The following GPC5 variants were observed in gnomAD, a reference collection of about 807,000 sequenced individuals.
GPC5 encodes the protein glypican 5, also known as glypican-5.
GPC5 carries 47 observed loss-of-function variants against 53.9 expected under a neutral mutation model. That is an observed-to-expected ratio of 0.87 (90% CI 0.69 to 1.11). GPC5 has a LOEUF of 1.11. Among genes scored for constraint, GPC5 ranks in the 50% most tolerant of loss-of-function variants. GPC5 has a pLI of 0.00. For synonymous variants in GPC5, 286 were observed against 263.3 expected (o/e 1.09, Z -0.84); for missense variants, 748 against 713.1 (o/e 1.05, Z -0.56).
intron 7 of GPC5, among the ~76,000 whole-genome samples, chr13:92,268,082 AAC>A (rs1406721366): frequency 1.3e-5 from 2 of 151,256 alleles, no homozygotes; most frequent in Non-Finnish European, 2.9e-5. Context: ...TACCCTTCAA[AAC>A]ACAATGGATA....
At chr13:91,775,767 G>T (rs1477864921) in intron 5 of GPC5, among the ~76,000 whole-genome samples, 3 of 152,178 alleles carry the variant, frequency 2.0e-5, no homozygotes, top group Non-Finnish European at 2.9e-5. Flanking sequence ...TTAATCAGTT[G>T]TTTAGATGTC....
intron 7 of GPC5, among the ~76,000 whole-genome samples, chr13:92,819,871 C>A (rs1161605770): frequency 6.6e-6 from 1 of 152,188 alleles, no homozygotes; most frequent in East Asian, 1.9e-4. Context: ...CAACTTTCAA[C>A]ATGACTGCCT....
At chr13:91,413,839 C>T (rs1877990262) in intron 1 of GPC5, among the ~76,000 whole-genome samples, 1 of 152,122 alleles carries the variant, frequency 6.6e-6, no homozygotes, top group African/African-American at 2.4e-5. Flanking sequence ...CCTGAGCTAC[C>T]ATAAATAAAA....
At chr13:91,544,770 G>A (rs2030178242) in intron 2 of GPC5, among the ~76,000 whole-genome samples, 1 of 152,194 alleles carries the variant, frequency 6.6e-6, no homozygotes, top group South Asian at 2.1e-4. Context: ...AAAACAAGAA[G>A]TTTTATTATC....
At chr13:91,882,204 A>T (rs1234563704) in intron 5 of GPC5, among the ~76,000 whole-genome samples, 2 of 152,150 alleles carry the variant, frequency 1.3e-5, no homozygotes, top group Non-Finnish European at 2.9e-5. Flanking sequence ...TGAATAGGTA[A>T]TGTAACCTGT....
chr13:92,199,912 A>C (rs902669532), intron 7 of GPC5, among the ~76,000 whole-genome samples: 1 of 152,148 alleles, frequency 6.6e-6, no homozygotes, highest in Non-Finnish European at 1.5e-5. Flanking sequence ...GTACAGGTAA[A>C]AGCTTGCAAT....
intron 7 of GPC5, among the ~76,000 whole-genome samples, chr13:92,546,668 T>C (rs1882127118): frequency 6.6e-6 from 1 of 152,176 alleles, no homozygotes; most frequent in Admixed American, 6.5e-5. Context: ...AAAAAACTAC[T>C]TTAAAGTTCA....
chr13:92,046,597 C>T (rs1043337829), intron 6 of GPC5, among the ~76,000 whole-genome samples: 2 of 152,222 alleles, frequency 1.3e-5, no homozygotes, highest in Admixed American at 1.3e-4. Flanking sequence ...TTATTTCACT[C>T]TCCCCGCCAA....
intron 7 of GPC5, among the ~76,000 whole-genome samples, chr13:92,174,538 G>GAAA (rs545251875): frequency 8.8e-5 from 10 of 113,588 alleles, no homozygotes; most frequent in Middle Eastern, 4.4e-3. Flanking sequence ...CCAACTCAAA[G>GAAA]AAAAAAAAAA....
At chr13:91,719,795 T>G (rs951673502) in intron 3 of GPC5, among the ~76,000 whole-genome samples, 2 of 151,996 alleles carry the variant, frequency 1.3e-5, no homozygotes, top group African/African-American at 4.8e-5. Context: ...TCACTTTATC[T>G]TATGGAAATG....
intron 2 of GPC5, among the ~76,000 whole-genome samples, chr13:91,499,714 C>T (rs1884510273): frequency 2.0e-5 from 3 of 152,196 alleles, no homozygotes; most frequent in African/African-American, 7.2e-5. Context: ...TACAGTTACT[C>T]TTCTGCCACC....
intron 7 of GPC5, among the ~76,000 whole-genome samples, chr13:92,585,946 T>C (rs1169061059): frequency 1.3e-5 from 2 of 152,226 alleles, no homozygotes; most frequent in Non-Finnish European, 1.5e-5. Context: ...GTAAGTCCAG[T>C]TAAACCTCTT....
At chr13:91,729,843 T>A (rs912818569) in intron 4 of GPC5, among the ~76,000 whole-genome samples, 2 of 152,112 alleles carry the variant, frequency 1.3e-5, no homozygotes, top group Non-Finnish European at 1.5e-5. Flanking sequence ...AACAACCCAG[T>A]TGGAAAACAA....
chr13:92,206,402 T>C (rs2042337864), intron 7 of GPC5, among the ~76,000 whole-genome samples: 1 of 151,464 alleles, frequency 6.6e-6, no homozygotes, highest in African/African-American at 2.4e-5. Flanking sequence ...CCTGACCTCG[T>C]GATCCACCCG....
At chr13:91,650,516 G>A (rs1473048039) in intron 2 of GPC5, among the ~76,000 whole-genome samples, 1 of 151,300 alleles carries the variant, frequency 6.6e-6, no homozygotes, top group Non-Finnish European at 1.5e-5. Flanking sequence ...GTTCTTTTAT[G>A]TAGAAAAACA....
At chr13:92,222,625 CT>C (rs916280153) in intron 7 of GPC5, among the ~76,000 whole-genome samples, 14 of 151,990 alleles carry the variant, frequency 9.2e-5, no homozygotes, top group Non-Finnish European at 1.9e-4. Context: ...GTGTCTCCAC[CT>C]TTGTTTTTCT....
chr13:91,974,304 A>G lies in GPC5; in HGVS notation c.1401+66247A>G, dbSNP rs572278816. 1.3e-3 allele frequency among the ~76,000 whole-genome samples: 197 copies of G among 152,312 alleles called. 1 individual carries two copies. Among genetic ancestry groups the G allele is most frequent in the African/African-American group, 4.6e-3 (190 of 41,560 alleles). ...CAGGAGAATGAAATAAAGGGTATTCAATTAGGGAAAGAGGAAGTCAAATTG... is the reference window on the plus strand; with the variant it reads ...CAGGAGAATGAAATAAAGGGTATTCGATTAGGGAAAGAGGAAGTCAAATTG... On this transcript the variant is annotated intron_variant, in intron 6 of 7. Coordinates refer to ENST00000377067, the MANE Select transcript of GPC5 (RefSeq NM_004466.6).
intron 6 of GPC5, among the ~76,000 whole-genome samples, chr13:92,018,849 A>G (rs2040731782): frequency 6.6e-6 from 1 of 152,132 alleles, no homozygotes; most frequent in Non-Finnish European, 1.5e-5. Context: ...TTTTTATGAA[A>G]ATAATTCCTT....
chr13:92,668,509 A>T (rs765695009), intron 7 of GPC5, among the ~76,000 whole-genome samples: 27 of 152,154 alleles, frequency 1.8e-4, no homozygotes, highest in Non-Finnish European at 3.8e-4. Flanking sequence ...ACTTTAAATA[A>T]GAGATTACAT....
Sources: allele counts gnomAD v4.1 joint callset (sites outside exome capture counted in the v4.1 genomes callset), GRCh38; gene constraint gnomAD v4.1.1; transcripts MANE v1.5; gene names NCBI Gene and HGNC (gene_info 2026-07-23, HGNC 2026-07-21).